The following ASF1B variants were observed in gnomAD, a reference collection of about 807,000 sequenced individuals.
ASF1B encodes the protein anti-silencing function 1B histone chaperone, also known as histone chaperone ASF1B.
A neutral mutation model predicts 16.6 loss-of-function variants in ASF1B; 10 were observed. The observed-to-expected ratio is 0.60, with a 90% CI of 0.37 to 1.02. The LOEUF (loss-of-function observed/expected upper bound fraction) is 1.02, where lower values mean the gene tolerates loss of function less well. ASF1B is among the 50% of genes least tolerant of loss of function. The probability of loss-of-function intolerance (pLI) is 0.01; values close to 1 mark genes in which losing one functional copy is unlikely to be tolerated. For missense variants in ASF1B, 240 were observed against 266.0 expected (o/e 0.90, Z 0.68); for synonymous variants, 101 against 106.2 (o/e 0.95, Z 0.30).
Position 14,120,567 on chromosome 19 carries a change from G to A in ASF1B, c.501C>T (p.Asp167=), listed in dbSNP as rs775070439. 6.2e-7 allele frequency: 1 copy of A among 1,614,064 alleles called. No individual in the cohort carries two copies. Among genetic ancestry groups the A allele is most frequent in the Non-Finnish European group, 8.5e-7 (1 of 1,179,966 alleles). ...GTGGGAGGCCGCAGCCCAGGGAGGG[G>A]TCCTGGGTCTCTATGGCCTCCAGCC... ...MDRLEAIETQ[D]PSLGCGLPLN... Residue 167 remains aspartate (D), a synonymous_variant, in exon 4 of 4, where the codon GAC becomes GAT. Coordinates refer to ENST00000263382, the MANE Select transcript of ASF1B (RefSeq NM_018154.3).
chr19:14,134,080 A>C (rs1328326207), intron 1 of ASF1B, among the ~76,000 whole-genome samples: 1 of 152,024 alleles, frequency 6.6e-6, no homozygotes, highest in Non-Finnish European at 1.5e-5. Context: ...CTGGGATTAC[A>C]GGCGTGAGCC....
intron 2 of ASF1B, among the ~76,000 whole-genome samples, chr19:14,122,748 G>T (rs894052986): frequency 7.9e-5 from 12 of 152,166 alleles, no homozygotes; most frequent in African/African-American, 2.4e-5. Context: ...GTGGTACTCT[G>T]GAGGAGTGTG....
chr19:14,126,326 A>G (rs1473633050), intron 1 of ASF1B, 89 bp from the exon 2 acceptor site: 2 of 830,230 alleles, frequency 2.4e-6, no homozygotes, highest in African/African-American at 1.7e-5. Flanking sequence ...TTTTTTTGAG[A>G]TGGAGTCTCG....
chr19:14,127,587 TAG>T (rs1199578696), intron 1 of ASF1B, among the ~76,000 whole-genome samples: 1 of 151,862 alleles, frequency 6.6e-6, no homozygotes, highest in African/African-American at 2.4e-5. Context: ...CATGCCTACT[TAG>T]AGACATTTGG....
intron 2 of ASF1B, among the ~76,000 whole-genome samples, chr19:14,124,833 T>C (rs1967294454): frequency 1.3e-5 from 2 of 152,256 alleles, no homozygotes; most frequent in East Asian, 1.9e-4. Flanking sequence ...CCAACGGTAG[T>C]GCTGAAGTGC....
intron 1 of ASF1B, among the ~76,000 whole-genome samples, chr19:14,131,763 C>T (rs1187607720): frequency 1.3e-5 from 2 of 151,282 alleles, no homozygotes; most frequent in Non-Finnish European, 2.9e-5. Flanking sequence ...GGATTACAGG[C>T]GTGAGCCACC....
Position 14,120,317 on chromosome 19 carries a change from G to A in ASF1B, c.*142C>T. 1 of 752,232 alleles carries A rather than the reference G, an allele frequency of 1.3e-6. No individual in the cohort carries two copies. The highest frequency in any genetic ancestry group is 2.2e-6 in the Non-Finnish European group (1 of 463,422). The allele number at this position is 752,232 out of a possible 1,614,324, so 46.6% of individuals were successfully genotyped here. A position where few individuals can be genotyped will look rare whatever the true frequency, so the allele number is the denominator to read the frequency against. The stretch of plus-strand genomic sequence containing the variant: ...TGGCCAGGACTAGGGGAGACCCAAG[G>A]CCTGTTCTTTCCTAGGGGCTGAGTT... On this transcript the variant is annotated 3_prime_UTR_variant, in exon 4 of 4. Transcript: ENST00000263382.
rs765226588 is a variant in ASF1B, at chr19:14,136,368, C to G, written c.89G>C (p.Cys30Ser). 6.2e-7 allele frequency: 1 copy of G among 1,613,320 alleles called. No homozygotes were observed. The highest frequency in any genetic ancestry group is 1.7e-5 in the Admixed American group (1 of 60,000). The change falls in exon 1 of 4, where the codon TGC (cysteine) becomes TCC (serine). Residue 30 changes from cysteine (C) to serine (S), a missense_variant. Transcript: ENST00000263382. The stretch of plus-strand genomic sequence containing the variant: ...CTCACCGTCCGCCAGGGCTTCACTG[C>G]ACTCGAAGCTGATCTCGAACCGGAA... ...SPFRFEISFE[C>S]SEALADDLEW...
chr19:14,120,131 G>C lies in ASF1B; in HGVS notation c.*328C>G, dbSNP rs1967210666. 3.8e-6 allele frequency: 1 copy of C among 266,260 alleles called. No individual in the cohort carries two copies. Among genetic ancestry groups the C allele is most frequent in the East Asian group, 1.1e-4 (1 of 9,156 alleles). The allele number at this position is 266,260 out of a possible 1,614,324, so 16.5% of individuals were successfully genotyped here. A position where few individuals can be genotyped will look rare whatever the true frequency, so the allele number is the denominator to read the frequency against. ...CCAAGAAAGCCTCTAGGTGGGCCAG[G>C]GAGGTCTGTGGGAAAGCTTTGGATC... is the stretch of plus-strand genomic sequence containing the variant. On this transcript the variant is annotated 3_prime_UTR_variant, in exon 4 of 4. Transcript: ENST00000263382.
intron 3 of ASF1B, 92 bp downstream of exon 3, chr19:14,121,437 TAAG>T (rs779526533): frequency 2.9e-6 from 4 of 1,388,208 alleles, no homozygotes; most frequent in East Asian, 2.3e-5. Context: ...TTGAAAACCT[TAAG>T]AAGTGACCTT....
intron 1 of ASF1B, among the ~76,000 whole-genome samples, chr19:14,130,909 G>C (rs1967394337): frequency 6.6e-6 from 1 of 151,668 alleles, no homozygotes; most frequent in Non-Finnish European, 1.5e-5. Context: ...AGACAGTCTT[G>C]CTCTGTCGCC....
intron 1 of ASF1B, among the ~76,000 whole-genome samples, chr19:14,132,072 G>A (rs912415229): frequency 1.4e-5 from 2 of 142,918 alleles, no homozygotes; most frequent in Non-Finnish European, 3.0e-5. Flanking sequence ...CTCTCACCCA[G>A]GTTGGAGTGC....
chr19:14,126,136 T>G lies in ASF1B; in HGVS notation c.211A>C (p.Met71Leu). The G allele has an allele frequency of 6.2e-7, 1 of 1,600,792 alleles. No individual in the cohort carries two copies. The highest frequency in any genetic ancestry group is 8.5e-7 in the Non-Finnish European group (1 of 1,175,812). Residue 71 changes from methionine to leucine, a missense_variant, in exon 2 of 4, where the codon ATG becomes CTG. Physicochemically the swap from Met to Leu is conservative, Grantham distance 15. Transcript: ENST00000263382. ...LVGPVPAGRH[M>L]FVFQADAPNP... ...ATCTTTCTTACCTGAAAGACAAACA[T>G]GTGTCTCCCTGCTGGCACAGGGCCC...
intron 3 of ASF1B, chr19:14,121,203 C>T (rs1298355011): frequency 2.4e-6 from 1 of 424,736 alleles, no homozygotes; most frequent in Non-Finnish European, 4.1e-6. Flanking sequence ...TCACTGCAGC[C>T]TCAAACTCCT....
intron 1 of ASF1B, among the ~76,000 whole-genome samples, chr19:14,130,360 C>T (rs1162243427): frequency 2.6e-5 from 4 of 151,962 alleles, no homozygotes; most frequent in African/African-American, 9.7e-5. Context: ...TATGCCCAGT[C>T]GAGAATCATC....
chr19:14,128,393 T>C (rs1967349079), intron 1 of ASF1B, among the ~76,000 whole-genome samples: 1 of 152,170 alleles, frequency 6.6e-6, no homozygotes, highest in Non-Finnish European at 1.5e-5. Flanking sequence ...TCAGGAACCC[T>C]ATAGCAGGTC....
At chr19:14,129,655 T>C (rs1220043975) in intron 1 of ASF1B, among the ~76,000 whole-genome samples, 1 of 110,814 alleles carries the variant, frequency 9.0e-6, no homozygotes, top group Non-Finnish European at 1.7e-5. Flanking sequence ...CACTCCAGCC[T>C]GGGCAACAGA....
chr19:14,135,888 A>G lies in ASF1B; in HGVS notation c.109+460T>C, dbSNP rs146633603. Among the ~76,000 whole-genome samples, 423 of 152,146 alleles carry G rather than the reference A, an allele frequency of 2.8e-3. 4 individuals carry two copies. Among genetic ancestry groups the G allele is most frequent in the African/African-American group, 9.7e-3 (404 of 41,508 alleles). ...GTGGTTGAAGCGGGGGTCTTGCCAC[A>G]GGGAAACCACGGTGGCTGAAGATCT... On this transcript the variant is annotated intron_variant, in intron 1 of 3. Transcript: ENST00000263382.
chr19:14,121,459 A>G, intron 3 of ASF1B, 73 bp downstream of exon 3: 1 of 1,513,770 alleles, frequency 6.6e-7, no homozygotes, highest in South Asian at 1.2e-5. Flanking sequence ...TTGACTCTCA[A>G]TTTGAATGGC....
Sources: allele counts gnomAD v4.1 joint callset (sites outside exome capture counted in the v4.1 genomes callset), GRCh38; gene constraint gnomAD v4.1.1; transcripts MANE v1.5; gene names NCBI Gene and HGNC (gene_info 2026-07-23, HGNC 2026-07-21).